Variants in EPHB1 observed in about 807,000 individuals in gnomAD.
EPHB1 encodes EPH receptor B1, also known as ephrin type-B receptor 1.
EPHB1 carries 30 observed loss-of-function variants against 94.4 expected under a neutral mutation model. The ratio of observed to expected loss-of-function variants is 0.32; its 90% confidence interval spans 0.24 to 0.43. EPHB1 has a LOEUF of 0.43. Among genes scored for constraint, EPHB1 ranks in the 20% least tolerant of loss-of-function variants. The pLI is 1.00. For synonymous variants in EPHB1, 522 were observed against 489.1 expected (o/e 1.07, Z -0.89); for missense variants, 1,055 against 1,308.3 (o/e 0.81, Z 2.99).
At chr3:135,153,441 A>G (rs1941253759) in intron 5 of EPHB1, among the ~76,000 whole-genome samples, 2 of 152,244 alleles carry the variant, frequency 1.3e-5, no homozygotes. Context: ...GAGATTTCTG[A>G]ATCAACTTTA....
intron 3 of EPHB1, chr3:134,977,909 G>T (rs1934249862): frequency 2.2e-6 from 1 of 451,896 alleles, no homozygotes; most frequent in Admixed American, 2.4e-5. Flanking sequence ...ACCTGTGAAG[G>T]AGAGAATGGA....
chr3:135,180,979 T>A (rs1000132166), intron 10 of EPHB1, among the ~76,000 whole-genome samples: 1 of 152,238 alleles, frequency 6.6e-6, no homozygotes, highest in Non-Finnish European at 1.5e-5. Flanking sequence ...GGGAAAGCCA[T>A]GGAATTGCCT....
At chr3:135,046,695 A>G (rs1310779765) in intron 3 of EPHB1, among the ~76,000 whole-genome samples, 2 of 152,184 alleles carry the variant, frequency 1.3e-5, no homozygotes, top group Non-Finnish European at 2.9e-5. Flanking sequence ...GGGGCCGAGC[A>G]ATCTGTGTCT....
In EPHB1 at chr3:135,167,006, G is replaced by T. The variant is rs1226967786; in HGVS notation, c.1759G>T (p.Gly587Cys). The change falls in exon 9 of 16, where the codon GGC becomes TGC. Residue 587 changes from glycine (G) to cysteine (C), a missense_variant and splice_region_variant. By Grantham distance (159) the Gly-to-Cys change is radical (BLOSUM62 -3). Coordinates refer to ENST00000398015, the MANE Select transcript of EPHB1 (RefSeq NM_004441.5). ...GCTCCAGCATTACAGCACAGGCCGA[G>T]GTAAGTAGAAAGCAGAGACCCGGTG... Reference protein sequence around the residue: ...DKLQHYSTGRGSPGMKIYIDP... With the variant: ...DKLQHYSTGRCSPGMKIYIDP... 1 of 1,614,100 alleles carries T rather than the reference G, an allele frequency of 6.2e-7. No homozygotes were observed. The highest frequency in any genetic ancestry group is 1.1e-5 in the South Asian group (1 of 91,036).
chr3:135,179,994 C>A lies in EPHB1; in HGVS notation c.1882+12C>A. 1 of 1,613,426 alleles carries A rather than the reference C, an allele frequency of 6.2e-7. No individual in the cohort carries two copies. The highest frequency in any genetic ancestry group is 1.1e-5 in the South Asian group (1 of 91,044). On this transcript the variant is annotated intron_variant, in intron 10 of 15. Transcript: ENST00000398015. The stretch of plus-strand genomic sequence containing the variant: ...GGTCATCGGAGCAGGTATGGCTCTT[C>A]CCTGTCTTGTTTCTGTTCTCCTGGT...
chr3:135,047,161 A>G (rs1236049363), intron 3 of EPHB1, among the ~76,000 whole-genome samples: 1 of 152,206 alleles, frequency 6.6e-6, no homozygotes, highest in East Asian at 1.9e-4. Context: ...AGCGCACAAC[A>G]GTCCAATGAA....
At chr3:135,064,596 A>G (rs1039747721) in intron 3 of EPHB1, among the ~76,000 whole-genome samples, 3 of 151,828 alleles carry the variant, frequency 2.0e-5, no homozygotes, top group Non-Finnish European at 2.9e-5. Context: ...TCTCCTTTTC[A>G]TGGTTAATCT....
intron 12 of EPHB1, among the ~76,000 whole-genome samples, chr3:135,236,900 C>A (rs1213188844): frequency 6.6e-6 from 1 of 152,192 alleles, no homozygotes; most frequent in Non-Finnish European, 1.5e-5. Flanking sequence ...AGTCATATGC[C>A]TGGACTTTGG....
intron 3 of EPHB1, among the ~76,000 whole-genome samples, chr3:135,062,944 T>G (rs1336063988): frequency 6.6e-6 from 1 of 152,216 alleles, no homozygotes; most frequent in Non-Finnish European, 1.5e-5. Context: ...GAAAAGGGTG[T>G]CCTTTCCTCA....
At chr3:135,033,549 A>G (rs1936551965) in intron 3 of EPHB1, among the ~76,000 whole-genome samples, 1 of 152,220 alleles carries the variant, frequency 6.6e-6, no homozygotes, top group Non-Finnish European at 1.5e-5. Context: ...TGGAGGGTCT[A>G]GGAAAGTTAC....
rs891625477 is a variant in EPHB1, at chr3:134,951,616, C to G, written c.369C>G (p.Thr123=). 6.2e-7 allele frequency: 1 copy of G among 1,614,070 alleles called. No homozygotes were observed. The highest frequency in any genetic ancestry group is 8.5e-7 in the Non-Finnish European group (1 of 1,179,966). The part of the protein sequence containing the change: ...YYYETDSVIA[T]KKSAFWSEAP... ...ATGAGACTGACTCTGTCATTGCCAC[C>G]AAGAAGTCAGCCTTCTGGTCTGAGG... The change falls in exon 3 of 16, where the codon ACC becomes ACG. Residue 123 remains threonine, a synonymous_variant. Transcript: ENST00000398015. The surrounding 1 kb of genome is among the most constrained non-coding windows in gnomAD (Gnocchi z 4.5).
intron 3 of EPHB1, among the ~76,000 whole-genome samples, chr3:135,088,966 A>G (rs962004508): frequency 3.3e-5 from 5 of 152,178 alleles, no homozygotes; most frequent in African/African-American, 7.2e-5. Context: ...ATCTCATTCA[A>G]TCATCAAAAC....
intron 4 of EPHB1, among the ~76,000 whole-genome samples, chr3:135,111,578 T>C (rs1051567111): frequency 1.2e-4 from 19 of 152,020 alleles, no homozygotes; most frequent in Non-Finnish European, 1.8e-4. Flanking sequence ...CTGATGTGAG[T>C]GTGAATGTAC....
At chr3:135,026,814 AT>A (rs1936194505) in intron 3 of EPHB1, among the ~76,000 whole-genome samples, 1 of 145,012 alleles carries the variant, frequency 6.9e-6, no homozygotes, top group South Asian at 2.3e-4. Context: ...CAGTATGGCC[AT>A]TTTCACGGTA....
chr3:135,131,922 C>A (rs571415976), intron 4 of EPHB1, among the ~76,000 whole-genome samples: 1 of 152,108 alleles, frequency 6.6e-6, no homozygotes, highest in Non-Finnish European at 1.5e-5. Context: ...CAGAGCTATG[C>A]GATCTATAGC....
In EPHB1 at chr3:135,162,051, A is replaced by C; in HGVS notation, c.1456A>C (p.Ser486Arg). 1.2e-6 allele frequency: 2 copies of C among 1,613,096 alleles called. No homozygotes were observed. The highest frequency in any genetic ancestry group is 1.7e-6 in the Non-Finnish European group (2 of 1,179,432). Residue 486 changes from serine (S) to arginine (R), a missense_variant, in exon 7 of 16, where the codon AGT becomes CGT. Ser to Arg is a moderately radical substitution (Grantham distance 110). Coordinates refer to ENST00000398015, the MANE Select transcript of EPHB1 (RefSeq NM_004441.5). ...TGAGTTCAACTCCTCCATGGCCAGG[A>C]GTCAGACCAACACAGCAAGGATTGA... ...HNEFNSSMARSQTNTARIDGL... is the reference protein window; with the variant it reads ...HNEFNSSMARRQTNTARIDGL...
intron 1 of EPHB1, among the ~76,000 whole-genome samples, chr3:134,889,842 T>G (rs1193631995): frequency 1.3e-5 from 2 of 151,158 alleles, no homozygotes; most frequent in Non-Finnish European, 2.9e-5. Context: ...CACACCCGGC[T>G]AATTTTTTTG....
chr3:135,001,508 A>G (rs1402449326), intron 3 of EPHB1, among the ~76,000 whole-genome samples: 1 of 152,232 alleles, frequency 6.6e-6, no homozygotes, highest in Non-Finnish European at 1.5e-5. Context: ...AATTTAAAGT[A>G]TTGACAAATT....
chr3:135,241,884 A>T (rs1323120125), intron 13 of EPHB1, among the ~76,000 whole-genome samples: 1 of 152,204 alleles, frequency 6.6e-6, no homozygotes, highest in East Asian at 1.9e-4. Flanking sequence ...AGCTTTCCAA[A>T]GCTGGGCAGC....
Sources: allele counts gnomAD v4.1 joint callset (sites outside exome capture counted in the v4.1 genomes callset), GRCh38; gene constraint gnomAD v4.1.1; non-coding constraint Gnocchi (gnomAD v3.1); transcripts MANE v1.5; gene names NCBI Gene and HGNC (gene_info 2026-07-23, HGNC 2026-07-21).